The following MYH1 variants were observed in gnomAD, a reference collection of about 807,000 sequenced individuals.
The protein encoded by MYH1 is myosin-1.
Under a neutral mutation model 225.6 loss-of-function variants are expected in MYH1, and 214 were observed. The ratio of observed to expected loss-of-function variants is 0.95; its 90% CI spans 0.85 to 1.06. MYH1 has a LOEUF of 1.06. Ranked by LOEUF, MYH1 falls within the 50% of genes least tolerant of loss-of-function variation. The probability of loss-of-function intolerance (pLI) is 0.00; values close to 1 mark genes in which losing one functional copy is unlikely to be tolerated. For synonymous variants in MYH1, 774 were observed against 842.3 expected (o/e 0.92, Z 1.40); for missense variants, 2,098 against 2,344.2 (o/e 0.89, Z 2.17).
intron 39 of MYH1, among the ~76,000 whole-genome samples, chr17:10,493,819 T>C (rs941147065): frequency 2.6e-5 from 4 of 152,188 alleles, no homozygotes; most frequent in Non-Finnish European, 5.9e-5. Flanking sequence ...ACCTCCAAAA[T>C]ATGTCCTGAA....
At chr17:10,515,375 C>G (rs1401363201) in intron 5 of MYH1, among the ~76,000 whole-genome samples, 1 of 152,060 alleles carries the variant, frequency 6.6e-6, no homozygotes, top group South Asian at 2.1e-4. Context: ...ATGCCTCAAT[C>G]AAAATAAAAT....
intron 15 of MYH1, 94 bp from the exon 16 acceptor site, chr17:10,508,766 A>T: frequency 6.7e-7 from 1 of 1,488,228 alleles, no homozygotes; most frequent in Non-Finnish European, 9.0e-7. Context: ...GAGTAAATTC[A>T]TCCTTTAATT....
chr17:10,516,406 AG>A, intron 3 of MYH1, 32 bp downstream of exon 3: 2 of 1,614,228 alleles, frequency 1.2e-6, no homozygotes, highest in Non-Finnish European at 1.7e-6. Context: ...AAAATGAGGC[AG>A]AGTCTAATCA....
intron 35 of MYH1, 149 bp downstream of exon 35, chr17:10,495,801 A>T: frequency 1.4e-6 from 1 of 704,910 alleles, no homozygotes; most frequent in South Asian, 2.4e-5. Context: ...TATAGTTCAG[A>T]TAAGAATATA....
intron 28 of MYH1, 118 bp downstream of exon 28, chr17:10,500,508 G>A (rs2073040927): frequency 1.4e-6 from 2 of 1,458,900 alleles, no homozygotes; most frequent in South Asian, 2.7e-5. Flanking sequence ...GTTCATATTA[G>A]TGGGGATCTC....
chr17:10,502,713 C>A (rs1348529094), intron 24 of MYH1, 25 bp downstream of exon 24: 1 of 1,613,862 alleles, frequency 6.2e-7, no homozygotes, highest in African/African-American at 1.3e-5. Context: ...TTTAAAAAAT[C>A]ATTTTTATAT....
intron 22 of MYH1, among the ~76,000 whole-genome samples, chr17:10,504,491 T>C (rs1424757486): frequency 6.6e-6 from 1 of 152,252 alleles, no homozygotes; most frequent in African/African-American, 2.4e-5. Context: ...TTTTTCTTTT[T>C]CACAGCTCTT....
At position 10,512,677 on chromosome 17, in the gene MYH1, T is replaced by G. The variant is rs771355416; in HGVS notation, c.1008+4A>C. ...TTTTAAATTAAAATTCATGTATAAC[T>G]TACATCTGTAGCCATCAACTCTTCT... On this transcript the variant is annotated splice_donor_region_variant and intron_variant, in intron 11 of 39. Coordinates refer to ENST00000226207, the MANE Select transcript of MYH1 (RefSeq NM_005963.4). The G allele has an allele frequency of 1.2e-6, 2 of 1,613,630 alleles. No individual in the cohort carries two copies. The highest frequency in any genetic ancestry group is 4.5e-5 in the East Asian group (2 of 44,860).
At position 10,516,474 on chromosome 17, in the gene MYH1, C is replaced by G. The variant is rs1023875526; in HGVS notation, c.169G>C (p.Gly57Arg). The G allele has an allele frequency of 6.2e-7, 1 of 1,614,102 alleles. No individual in the cohort carries two copies. Among genetic ancestry groups the G allele is most frequent in the South Asian group, 1.1e-5 (1 of 91,086 alleles). The change falls in exon 3 of 40, where the codon GGG becomes CGG. Residue 57 changes from glycine (G) to arginine (R), a missense_variant. Coordinates refer to ENST00000226207, the MANE Select transcript of MYH1 (RefSeq NM_005963.4). ...FVKATVQSRE[G>R]GKVTAKTEAG... ...TCGGTCTTAGCTGTCACCTTCCCCCCTTCCCTGCTCTGCACTGTTGCTTTC... is the reference window on the plus strand; with the variant it reads ...TCGGTCTTAGCTGTCACCTTCCCCCGTTCCCTGCTCTGCACTGTTGCTTTC...
chr17:10,508,009 T>C, intron 16 of MYH1, 53 bp from the exon 17 acceptor site: 1 of 1,293,492 alleles, frequency 7.7e-7, no homozygotes, highest in Non-Finnish European at 1.1e-6. Context: ...GTTATGGTTT[T>C]TTTTTTTTGT....
chr17:10,505,362 A>G (rs550060119), intron 20 of MYH1, 26 bp downstream of exon 20: 86 of 1,614,228 alleles, frequency 5.3e-5, no homozygotes, highest in South Asian at 2.1e-4. Flanking sequence ...CAGGAATAGC[A>G]TCAGGTAGGA....
chr17:10,506,241 G>T, intron 17 of MYH1, 142 bp from the exon 18 acceptor site: 1 of 1,071,668 alleles, frequency 9.3e-7, no homozygotes, highest in Non-Finnish European at 1.3e-6. Flanking sequence ...AGTTATCTCT[G>T]GAATTTCCAC....
intron 35 of MYH1, among the ~76,000 whole-genome samples, 187 bp from the exon 36 acceptor site, chr17:10,495,504 GTAA>G (rs1268949718): frequency 6.6e-6 from 1 of 152,090 alleles, no homozygotes; most frequent in African/African-American, 2.4e-5. Flanking sequence ...GCTCATGCTT[GTAA>G]TCCCAGCACT....
At chr17:10,507,443 C>T (rs1244956089) in intron 17 of MYH1, among the ~76,000 whole-genome samples, 2 of 152,156 alleles carry the variant, frequency 1.3e-5, no homozygotes, top group African/African-American at 2.4e-5. Context: ...ATTCCCACCA[C>T]TGTTCTATCT....
Position 10,496,163 on chromosome 17 carries a change from A to C in MYH1, c.4966-10T>G. 1.2e-6 allele frequency: 2 copies of C among 1,614,202 alleles called. No homozygotes were observed. The highest frequency in any genetic ancestry group is 1.3e-5 in the African/African-American group (1 of 75,070). ...GGTGGAGCTGGGTATCCTGTGGAAC[A>C]AACCGTCATTGAGACACCATGTATT... On this transcript the variant is annotated splice_polypyrimidine_tract_variant and intron_variant, in intron 34 of 39. Coordinates refer to ENST00000226207, the MANE Select transcript of MYH1 (RefSeq NM_005963.4).
chr17:10,500,105 G>A (rs2073036125), intron 28 of MYH1, among the ~76,000 whole-genome samples: 1 of 152,146 alleles, frequency 6.6e-6, no homozygotes, highest in African/African-American at 2.4e-5. Flanking sequence ...CAAGACTTCA[G>A]GAAAAAGACT....
chr17:10,517,925 T>C (rs1043190634), intron 2 of MYH1, among the ~76,000 whole-genome samples: 14 of 152,144 alleles, frequency 9.2e-5, no homozygotes, highest in African/African-American at 3.1e-4. Context: ...CACTTTGAAA[T>C]GTTACATTGC....
chr17:10,515,826 G>T, intron 5 of MYH1, 100 bp downstream of exon 5: 1 of 1,583,286 alleles, frequency 6.3e-7, no homozygotes, highest in Non-Finnish European at 8.6e-7. Flanking sequence ...ACAACCAGGG[G>T]CGTGAATTGG....
rs759178467 is a variant in MYH1, at chr17:10,516,212, G to T, written c.335C>A (p.Ala112Asp). 6.2e-7 allele frequency: 1 copy of T among 1,614,036 alleles called. No homozygotes were observed. The highest frequency in any genetic ancestry group is 8.5e-7 in the Non-Finnish European group (1 of 1,180,026). Residue 112 changes from alanine to aspartate, a missense_variant, in exon 4 of 40, where the codon GCC (alanine) becomes GAC (aspartate). Coordinates refer to ENST00000226207, the MANE Select transcript of MYH1 (RefSeq NM_005963.4). ...GAAAGAACTCACGTAGATCATCCAG[G>T]CTGCGTAGCGCTCTTTGAGGTTGTA... Reference protein sequence around the residue: ...VLYNLKERYAAWMIYTYSGLF... With the variant: ...VLYNLKERYADWMIYTYSGLF...
Sources: allele counts gnomAD v4.1 joint callset (sites outside exome capture counted in the v4.1 genomes callset), GRCh38; gene constraint gnomAD v4.1.1; transcripts MANE v1.5; gene names NCBI Gene and HGNC (gene_info 2026-07-23, HGNC 2026-07-21).